Variants in CDH4 observed in about 807,000 individuals in gnomAD.
CDH4 encodes cadherin-4.
Under a neutral mutation model 86.0 loss-of-function variants are expected in CDH4, and 33 were observed. That is an observed-to-expected ratio of 0.38 (90% CI 0.29 to 0.51). CDH4 has a LOEUF of 0.51. CDH4 is among the 20% of genes least tolerant of loss of function. CDH4 has a pLI of 0.86. For missense variants in CDH4, 1,114 were observed against 1,307.4 expected (o/e 0.85, Z 2.28); for synonymous variants, 555 against 549.4 (o/e 1.01, Z -0.14).
Position 61,938,101 on chromosome 20 carries a change from G to A in CDH4, c.*1158G>A, listed in dbSNP as rs115240054. On this transcript the variant is annotated 3_prime_UTR_variant, in exon 16 of 16. Coordinates refer to ENST00000614565, the MANE Select transcript of CDH4 (RefSeq NM_001794.5). ...TTGTGAGCCTGTGTGGGTGGCAGGAGGCCCCGTCTTGCCGTGCCTACCTGT... is the reference window on the plus strand; with the variant it reads ...TTGTGAGCCTGTGTGGGTGGCAGGAAGCCCCGTCTTGCCGTGCCTACCTGT... 0.012 allele frequency: 1,882 copies of A among 152,560 alleles called. 36 individuals are homozygous for A. The highest frequency in any genetic ancestry group is 0.042 in the African/African-American group (1,733 of 41,590). The allele number at this position is 152,560 out of a possible 1,614,324, so 9.5% of individuals were successfully genotyped here. A position where few individuals can be genotyped will look rare whatever the true frequency, so the allele number is the denominator to read the frequency against.
chr20:61,688,361 C>T (rs879889217), intron 2 of CDH4, among the ~76,000 whole-genome samples: 8 of 152,034 alleles, frequency 5.3e-5, no homozygotes, highest in Non-Finnish European at 1.2e-4. Flanking sequence ...CCCACCGACA[C>T]CCACCACCCA....
chr20:61,861,130 A>G (rs1402483438), intron 6 of CDH4, among the ~76,000 whole-genome samples: 1 of 152,080 alleles, frequency 6.6e-6, no homozygotes, highest in African/African-American at 2.4e-5. Flanking sequence ...CAAGAACCGC[A>G]CTGGACGTGG....
intron 4 of CDH4, among the ~76,000 whole-genome samples, chr20:61,819,720 G>A (rs768622112): frequency 2.6e-5 from 4 of 152,178 alleles, no homozygotes; most frequent in Non-Finnish European, 5.9e-5. Context: ...TGGGACTGCT[G>A]GTGATACACA....
At chr20:61,733,683 A>G (rs915239023) in intron 2 of CDH4, among the ~76,000 whole-genome samples, 2 of 152,030 alleles carry the variant, frequency 1.3e-5, no homozygotes, top group Non-Finnish European at 2.9e-5. Context: ...GAAAGAGAGA[A>G]AGAAAGGAAA....
intron 2 of CDH4, chr20:61,719,206 C>G (rs1198403575): frequency 4.6e-6 from 2 of 430,938 alleles, no homozygotes; most frequent in East Asian, 7.1e-5. Context: ...TTTTTTAAGT[C>G]TTGGTAGTTT....
intron 4 of CDH4, among the ~76,000 whole-genome samples, chr20:61,781,552 G>A (rs551600035): frequency 5.9e-5 from 9 of 152,330 alleles, no homozygotes; most frequent in East Asian, 1.9e-4. Context: ...AAGGGTCAGC[G>A]CATTTGAAGA....
At chr20:61,806,530 TGCACACACATGTCCACGCGCAC>T (rs895501375) in intron 4 of CDH4, among the ~76,000 whole-genome samples, 6 of 151,730 alleles carry the variant, frequency 4.0e-5, no homozygotes, top group Non-Finnish European at 5.9e-5. Flanking sequence ...GGAACACGTG[TGCACACACATGTCCACGCGCAC>T]GCACACACAT....
chr20:61,500,990 C>T (rs1241534043), intron 2 of CDH4, among the ~76,000 whole-genome samples: 2 of 152,224 alleles, frequency 1.3e-5, no homozygotes, highest in Admixed American at 1.3e-4. Flanking sequence ...TCCTTGACAT[C>T]GTGTCATTCC....
chr20:61,455,495 A>T (rs1376889271), intron 2 of CDH4, among the ~76,000 whole-genome samples: 1 of 152,204 alleles, frequency 6.6e-6, no homozygotes, highest in African/African-American at 2.4e-5. Context: ...CTCCTGAAAA[A>T]TTCAGTGAAG....
At chr20:61,425,296 G>C (rs1476263142) in intron 2 of CDH4, among the ~76,000 whole-genome samples, 1 of 152,192 alleles carries the variant, frequency 6.6e-6, no homozygotes, top group African/African-American at 2.4e-5. Flanking sequence ...GCCAGGACCG[G>C]AGAGCAGTGG....
At chr20:61,398,140 T>TAC (rs2085029439) in intron 2 of CDH4, among the ~76,000 whole-genome samples, 1 of 152,226 alleles carries the variant, frequency 6.6e-6, no homozygotes, top group African/African-American at 2.4e-5. Flanking sequence ...GAATGAGCAT[T>TAC]CAAGCGTATC....
intron 6 of CDH4, among the ~76,000 whole-genome samples, chr20:61,854,873 G>GT (rs1399447554): frequency 7.1e-6 from 1 of 141,842 alleles, no homozygotes; most frequent in Non-Finnish European, 1.5e-5. Context: ...TGTGCCCTTA[G>GT]CCTGCCCCAG....
intron 2 of CDH4, among the ~76,000 whole-genome samples, chr20:61,460,679 A>G (rs2085437247): frequency 6.6e-6 from 1 of 152,126 alleles, no homozygotes; most frequent in African/African-American, 2.4e-5. Flanking sequence ...TGGGTGTCCT[A>G]GGAACCCTTG....
chr20:61,769,803 C>T (rs973562739), intron 3 of CDH4, among the ~76,000 whole-genome samples: 2 of 152,174 alleles, frequency 1.3e-5, no homozygotes, highest in African/African-American at 2.4e-5. Flanking sequence ...GCTATGTTGG[C>T]GTTATTTCAA....
At chr20:61,722,894 G>T (rs2088059201) in intron 2 of CDH4, among the ~76,000 whole-genome samples, 1 of 152,154 alleles carries the variant, frequency 6.6e-6, no homozygotes, top group South Asian at 2.1e-4. Flanking sequence ...ACGTTCCTGG[G>T]ACGATGCTGT....
At chr20:61,653,503 G>C in intron 2 of CDH4, among the ~76,000 whole-genome samples, 1 of 142,398 alleles carries the variant, frequency 7.0e-6, no homozygotes, top group Non-Finnish European at 1.6e-5. Flanking sequence ...TCACTTCCCA[G>C]TAGGGGCGGC....
intron 2 of CDH4, among the ~76,000 whole-genome samples, chr20:61,730,760 C>T (rs1480374892): frequency 6.6e-6 from 1 of 152,206 alleles, no homozygotes; most frequent in African/African-American, 2.4e-5. Context: ...ATCCCTGTGA[C>T]TGCAGGAGGG....
At chr20:61,383,620 A>ATG (rs370497481) in intron 2 of CDH4, among the ~76,000 whole-genome samples, 4 of 44 alleles carry the variant, frequency 0.091, 1 homozygote, top group Non-Finnish European at 0.14. Context: ...ATATGAATAT[A>ATG]TGATATATAT....
intron 2 of CDH4, among the ~76,000 whole-genome samples, chr20:61,470,077 T>C (rs114999614): frequency 0.04 from 6,098 of 152,244 alleles, 419 homozygotes; most frequent in African/African-American, 0.14. Context: ...TTTAGGATTA[T>C]TTTTTCTGTT....
Sources: gnomAD v4.1 joint callset for allele counts (sites outside exome capture counted in the v4.1 genomes callset) on GRCh38, gnomAD v4.1.1 for gene constraint, MANE v1.5 for transcripts, NCBI Gene and HGNC (gene_info 2026-07-23, HGNC 2026-07-21) for gene names.